TRPM3: variants seen among roughly 807,000 people sequenced by gnomAD.
The protein encoded by TRPM3 is transient receptor potential cation channel subfamily M member 3.
Under a neutral mutation model 181.2 loss-of-function variants are expected in TRPM3, and 77 were observed. The observed-to-expected ratio is 0.42, with a 90% CI of 0.35 to 0.51. The LOEUF (loss-of-function observed/expected upper bound fraction) is 0.51, where lower values mean the gene tolerates loss of function less well. TRPM3 is among the 20% of genes least tolerant of loss of function. The pLI is 0.01. For missense variants in TRPM3, 1,759 were observed against 2,196.7 expected (o/e 0.80, Z 3.98); for synonymous variants, 745 against 796.4 (o/e 0.94, Z 1.09).
rs745508311 is a variant in TRPM3, at chr9:70,536,746, G to A, written c.4367C>T (p.Ala1456Val). The A allele has an allele frequency of 7.4e-6, 12 of 1,614,074 alleles. No individual in the cohort carries two copies. The highest frequency in any genetic ancestry group is 6.7e-5 in the Admixed American group (4 of 60,004). Residue 1456 changes from alanine to valine, a missense_variant, in exon 26 of 26, where the codon GCC becomes GTC. By Grantham distance (64) the Ala-to-Val change is moderately conservative (BLOSUM62 0). This residue lies in a region of TRPM3 where 612 missense variants were observed against 590.0 expected (regional missense o/e 1.04). Transcript: ENST00000677713. ...PVPSTAPSSS[A>V]YATLAPTDRP... ...GTCTGTGGGTGCAAGTGTTGCATAG[G>A]CACTACTTGAAGGGGCTGTGGAAGG... is the stretch of plus-strand genomic sequence containing the variant.
intron 1 of TRPM3, among the ~76,000 whole-genome samples, chr9:71,395,330 C>T (rs2093164442): frequency 6.6e-6 from 1 of 152,170 alleles, no homozygotes; most frequent in South Asian, 2.1e-4. Context: ...GTTTTGCCTT[C>T]CTCAGCGGAA....
At chr9:70,772,944 A>G (rs1291552511) in intron 7 of TRPM3, among the ~76,000 whole-genome samples, 1 of 151,548 alleles carries the variant, frequency 6.6e-6, no homozygotes, top group African/African-American at 2.4e-5. Flanking sequence ...AGGCAAGAGG[A>G]AAAGTCAAAT....
intron 1 of TRPM3, among the ~76,000 whole-genome samples, chr9:71,032,139 G>GATTATATATACTATATATTATATAATAT (rs1486608559): frequency 0.028 from 2,614 of 93,704 alleles, 76 homozygotes; most frequent in African/African-American, 0.04. Flanking sequence ...CTTAATGGTG[G>GATTATATATACTATATATTATATAATAT]ATTATATATA....
chr9:70,582,194 GT>G (rs1444829236), intron 22 of TRPM3, among the ~76,000 whole-genome samples: 2 of 151,810 alleles, frequency 1.3e-5, no homozygotes, highest in African/African-American at 4.8e-5. Flanking sequence ...GTGTGTGTGT[GT>G]GTGTGTGTGT....
At chr9:71,191,063 G>A (rs1394508962) in intron 1 of TRPM3, among the ~76,000 whole-genome samples, 3 of 151,784 alleles carry the variant, frequency 2.0e-5, no homozygotes, top group Admixed American at 1.3e-4. Context: ...GCCCCTACGA[G>A]GGAGCCATTG....
chr9:71,400,136 T>C (rs1458908429), intron 1 of TRPM3, among the ~76,000 whole-genome samples: 1 of 152,156 alleles, frequency 6.6e-6, no homozygotes, highest in Non-Finnish European at 1.5e-5. Flanking sequence ...TACAGAATCA[T>C]GTAAAAATAA....
At chr9:70,623,490 T>C (rs977114168) in intron 14 of TRPM3, among the ~76,000 whole-genome samples, 1 of 152,290 alleles carries the variant, frequency 6.6e-6, no homozygotes, top group Non-Finnish European at 1.5e-5. Context: ...GCTATTTTCA[T>C]AATAGTACTA....
chr9:71,049,432 C>T (rs769908012), intron 1 of TRPM3, among the ~76,000 whole-genome samples: 1 of 152,122 alleles, frequency 6.6e-6, no homozygotes. Flanking sequence ...CAATACTCTC[C>T]AAAATATATT....
intron 22 of TRPM3, among the ~76,000 whole-genome samples, chr9:70,556,911 C>A (rs796844471): frequency 6.6e-6 from 1 of 152,168 alleles, no homozygotes; most frequent in Non-Finnish European, 1.5e-5. Flanking sequence ...GTATCTAGCA[C>A]ATAGCACTCA....
intron 6 of TRPM3, among the ~76,000 whole-genome samples, chr9:70,817,335 A>G (rs945933599): frequency 1.3e-5 from 2 of 152,170 alleles, no homozygotes; most frequent in African/African-American, 4.8e-5. Flanking sequence ...GCCAGAATGT[A>G]GATGTGACAG....
chr9:71,256,743 G>T (rs1224657799), intron 1 of TRPM3, among the ~76,000 whole-genome samples: 1 of 152,076 alleles, frequency 6.6e-6, no homozygotes, highest in African/African-American at 2.4e-5. Context: ...CAGATGCCAC[G>T]TATGAGGCTA....
At chr9:71,327,610 C>G (rs2089790304) in intron 1 of TRPM3, among the ~76,000 whole-genome samples, 1 of 152,152 alleles carries the variant, frequency 6.6e-6, no homozygotes, top group Admixed American at 6.5e-5. Flanking sequence ...AGTGAATGAA[C>G]TAGTGTTTCA....
chr9:71,093,809 T>C (rs1013197435), intron 1 of TRPM3, among the ~76,000 whole-genome samples: 4 of 152,056 alleles, frequency 2.6e-5, no homozygotes, highest in Non-Finnish European at 4.4e-5. Context: ...GCAGCACTAT[T>C]TACAATAGCA....
chr9:70,655,305 CAAAA>C (rs1169901529), intron 9 of TRPM3, among the ~76,000 whole-genome samples: 2,569 of 32,882 alleles, frequency 0.078, 41 homozygotes, highest in African/African-American at 0.23. Context: ...GACTCCGTCT[CAAAA>C]AAAAAAAAAA....
chr9:71,184,213 C>G lies in TRPM3; in HGVS notation c.183+262440G>C, dbSNP rs564150727. ...TATTGCTATTACCTAAGAACAACAG[C>G]TCTCAAACATACCATATGGAACTGG... is the stretch of plus-strand genomic sequence containing the variant. On this transcript the variant is annotated intron_variant, in intron 1 of 24. Coordinates refer to the TRPM3 transcript ENST00000357533. Among the ~76,000 whole-genome samples, 13 of 152,186 alleles carry G rather than the reference C, an allele frequency of 8.5e-5. No individual in the cohort carries two copies. In the South Asian group the frequency reaches 2.7e-3, roughly 32 times the overall value.
intron 1 of TRPM3, among the ~76,000 whole-genome samples, chr9:71,353,064 A>G (rs1206423529): frequency 6.6e-6 from 1 of 152,162 alleles, no homozygotes; most frequent in East Asian, 1.9e-4. Flanking sequence ...GCACCAGCCC[A>G]AAGTTTAACA....
chr9:71,038,062 T>C (rs1286393950), intron 1 of TRPM3, among the ~76,000 whole-genome samples: 1 of 152,262 alleles, frequency 6.6e-6, no homozygotes, highest in Non-Finnish European at 1.5e-5. Flanking sequence ...TACTGAATTT[T>C]CAACAGTCTT....
At position 70,627,028 on chromosome 9, in the gene TRPM3, A is replaced by T. The variant is rs146766781; in HGVS notation, c.1633-1511T>A. ...ACCAGTAAAACAGTGAAATTAATTG[A>T]TGTTGTTGGGATCAAGTCTGGGTTT... On this transcript the variant is annotated intron_variant, in intron 12 of 25. Transcript: ENST00000677713. 2.2e-3 allele frequency among the ~76,000 whole-genome samples: 329 copies of T among 152,222 alleles called. 1 individual carries two copies. Among genetic ancestry groups the T allele is most frequent in the African/African-American group, 7.7e-3 (320 of 41,536 alleles).
At chr9:71,054,264 G>C (rs1270050070) in intron 1 of TRPM3, among the ~76,000 whole-genome samples, 2 of 152,110 alleles carry the variant, frequency 1.3e-5, no homozygotes, top group Non-Finnish European at 2.9e-5. Context: ...GGCTGATTTT[G>C]TGGACTGGCT....
Sources: allele counts gnomAD v4.1 joint callset (sites outside exome capture counted in the v4.1 genomes callset), GRCh38; gene constraint gnomAD v4.1.1; regional missense constraint gnomAD v4.1.1; transcripts MANE v1.5; gene names NCBI Gene and HGNC (gene_info 2026-07-23, HGNC 2026-07-21).